Variants in PIH1D2 observed in about 807,000 individuals in gnomAD.
PIH1D2 encodes PIH1 domain containing 2, also known as PIH1 domain-containing protein 2.
PIH1D2 carries 25 observed loss-of-function variants against 31.2 expected under a neutral mutation model. The observed-to-expected ratio is 0.80, with a 90% CI of 0.58 to 1.12. The LOEUF is 1.12. PIH1D2 is among the 50% of genes most tolerant of loss of function. The pLI is 0.00. For synonymous variants in PIH1D2, 116 were observed against 119.9 expected (o/e 0.97, Z 0.21); for missense variants, 310 against 356.6 (o/e 0.87, Z 1.05).
At chr11:112,060,318 G>A (rs587714841), downstream of PIH1D2, among the ~76,000 whole-genome samples, 7 of 151,676 alleles carry the variant, frequency 4.6e-5, 1 homozygote, top group South Asian at 1.3e-3. Flanking sequence ...CTGCCACCAC[G>A]CCCGGCTAGT....
downstream of PIH1D2, among the ~76,000 whole-genome samples, chr11:112,061,872 T>C (rs1864649842): frequency 6.6e-6 from 1 of 152,218 alleles, no homozygotes; most frequent in African/African-American, 2.4e-5. Flanking sequence ...AATGAGCCAG[T>C]GTGCCTGGCC....
chr11:112,053,548 G>T, the PIH1D2 span, among the ~76,000 whole-genome samples: 2 of 152,030 alleles, frequency 1.3e-5, no homozygotes, highest in Admixed American at 1.3e-4. Flanking sequence ...CGCCTCCCGA[G>T]TTCAAGCAAT....
chr11:112,052,609 C>T, the PIH1D2 span, among the ~76,000 whole-genome samples: 2 of 152,098 alleles, frequency 1.3e-5, no homozygotes, highest in Admixed American at 1.3e-4. Context: ...CCTTTCTGGG[C>T]ATACCACCCT....
the PIH1D2 span, among the ~76,000 whole-genome samples, chr11:112,055,235 A>ATTTTTTTTTTT: frequency 2.7e-5 from 2 of 75,444 alleles, no homozygotes; most frequent in Non-Finnish European, 4.9e-5. Context: ...GTCAAGGCCT[A>ATTTTTTTTTTT]TTTTTTTTTT....
downstream of PIH1D2, among the ~76,000 whole-genome samples, chr11:112,064,544 C>CT (rs1864835936): frequency 6.6e-6 from 1 of 152,106 alleles, no homozygotes; most frequent in Non-Finnish European, 1.5e-5. Flanking sequence ...AGAATATAAT[C>CT]TAACACTTTT....
chr11:112,070,614 C>G lies in PIH1D2; in HGVS notation c.635G>C (p.Gly212Ala), dbSNP rs144870093. 4.7e-5 allele frequency: 76 copies of G among 1,614,076 alleles called. No homozygotes were observed. The highest frequency in any genetic ancestry group is 6.3e-5 in the Non-Finnish European group (74 of 1,180,018). Residue 212 changes from glycine (G) to alanine (A), a missense_variant, in exon 5 of 6, where the codon GGC (glycine) becomes GCC (alanine). Gly to Ala is a moderately conservative substitution (Grantham distance 60). Transcript: ENST00000280350. ...CTCTTCTATCAGACACACTGCTTTG[C>G]CTGAAACTTGGTCTTTTGGCAGTAA... The part of the protein sequence containing the change: ...QLLLPKDQVS[G>A]KAVCLIEEIS...
chr11:112,060,509 C>G (rs1183230993), downstream of PIH1D2, among the ~76,000 whole-genome samples: 1 of 152,018 alleles, frequency 6.6e-6, no homozygotes, highest in Non-Finnish European at 1.5e-5. Flanking sequence ...GGTTGGAGTA[C>G]AATGGTGCAA....
At chr11:112,068,785 A>T (rs1865013908) in intron 5 of PIH1D2, among the ~76,000 whole-genome samples, 1 of 151,964 alleles carries the variant, frequency 6.6e-6, no homozygotes, top group Admixed American at 6.6e-5. Flanking sequence ...CTGTCTCAAA[A>T]TAAATAAATA....
the PIH1D2 span, among the ~76,000 whole-genome samples, chr11:112,057,312 T>C: frequency 6.6e-6 from 1 of 152,154 alleles, no homozygotes; most frequent in African/African-American, 2.4e-5. Context: ...AGTGTTTCAG[T>C]GAAAGGAAGA....
chr11:112,063,375 G>A (rs993716606), downstream of PIH1D2: 5 of 152,564 alleles, frequency 3.3e-5, no homozygotes, highest in Middle Eastern at 6.8e-3. Flanking sequence ...TGAACATAAT[G>A]AACAGAATTT....
downstream of PIH1D2, chr11:112,062,936 G>A (rs1864723516): frequency 5.8e-6 from 1 of 172,190 alleles, no homozygotes; most frequent in Non-Finnish European, 1.3e-5. Flanking sequence ...CCTTAGATGT[G>A]AGAGAAAGAG....
At chr11:112,059,650 C>T (rs1241668379), downstream of PIH1D2, among the ~76,000 whole-genome samples, 1 of 152,174 alleles carries the variant, frequency 6.6e-6, no homozygotes, top group Non-Finnish European at 1.5e-5. Context: ...ACCTCAGCCT[C>T]CCAAAGTGTT....
At chr11:112,073,346 C>T (rs1337260721) in intron 1 of PIH1D2, 141 bp from the exon 2 acceptor site, 3 of 522,552 alleles carry the variant, frequency 5.7e-6, no homozygotes, top group Non-Finnish European at 1.0e-5. Flanking sequence ...GGATCAGCAC[C>T]ACTTTATGTT....
the PIH1D2 span, among the ~76,000 whole-genome samples, chr11:112,058,131 C>A: frequency 6.6e-6 from 1 of 152,172 alleles, no homozygotes; most frequent in Admixed American, 6.5e-5. Flanking sequence ...AAACACCATT[C>A]ATTTACTTGT....
Position 112,067,994 on chromosome 11 carries a change from CAA to C in PIH1D2, c.823_824del (p.Leu275AspfsTer2). On this transcript the variant is annotated frameshift_variant, in exon 6 of 6. Transcript: ENST00000280350. LOFTEE classifies it high-confidence loss of function. ...ATCTGTACTTCTCAGATACTTCAAT[CAA>C]TAAATCATCCTAAGAATAATAAACC... Reference protein sequence around the residue: ...CDLSVSEDDLLIEVSEKYRLH... With the variant: ...CDLSVSEDDLXIEVSEKYRLH... The C allele has an allele frequency of 6.4e-7, 1 of 1,573,742 alleles. No homozygotes were observed. Among genetic ancestry groups the C allele is most frequent in the Non-Finnish European group, 8.7e-7 (1 of 1,149,842 alleles).
chr11:112,055,848 CTTTTTTTTTTTTTTTTTTTTTTTT>C, the PIH1D2 span, among the ~76,000 whole-genome samples: 2 of 31,988 alleles, frequency 6.3e-5, no homozygotes, highest in Admixed American at 4.8e-4. Context: ...CATATAGACA[CTTTTTTTTTTTTTTTTTTTTTTTT>C]TTTTTTTTTT....
At chr11:112,068,851 G>A (rs1865015640) in intron 5 of PIH1D2, among the ~76,000 whole-genome samples, 1 of 151,732 alleles carries the variant, frequency 6.6e-6, no homozygotes, top group Admixed American at 6.6e-5. Flanking sequence ...CTGAAAAGTG[G>A]AACTAATTTT....
At chr11:112,071,910 T>A (rs1865130114) in intron 2 of PIH1D2, 152 bp from the exon 3 acceptor site, 1 of 725,704 alleles carries the variant, frequency 1.4e-6, no homozygotes, top group Non-Finnish European at 2.2e-6. Flanking sequence ...CTGGCCAACA[T>A]GGTGAAACTC....
the PIH1D2 span, among the ~76,000 whole-genome samples, chr11:112,057,196 T>C: frequency 2.0e-5 from 3 of 152,244 alleles, no homozygotes; most frequent in East Asian, 5.8e-4. Context: ...GATAGAATTA[T>C]CAACCAGCTG....
Sources: gnomAD v4.1 joint callset for allele counts (sites outside exome capture counted in the v4.1 genomes callset) on GRCh38, gnomAD v4.1.1 for gene constraint, MANE v1.5 for transcripts, NCBI Gene and HGNC (gene_info 2026-07-23, HGNC 2026-07-21) for gene names.